The following APOO variants were observed in gnomAD, a reference collection of about 807,000 sequenced individuals.
APOO encodes the protein apolipoprotein O, also known as MICOS complex subunit MIC26.
APOO carries 11 observed loss-of-function variants against 23.1 expected under a neutral mutation model. That is an observed-to-expected ratio of 0.48 (90% CI 0.30 to 0.79). APOO has a LOEUF of 0.79. Ranked by LOEUF, APOO falls within the 30% of genes least tolerant of loss-of-function variation. The probability of loss-of-function intolerance (pLI) is 0.07; values close to 1 mark genes in which losing one functional copy is unlikely to be tolerated. For synonymous variants in APOO, 59 were observed against 54.8 expected, an observed-to-expected ratio of 1.08 and a Z score of -0.34; for missense variants, 160 against 142.7, an observed-to-expected ratio of 1.12 and a Z score of -0.62.
At chrX:23,885,347 C>T (rs1352970863) in intron 1 of APOO, among the ~76,000 whole-genome samples, 1 of 108,182 alleles carries the variant, frequency 9.2e-6, no homozygotes, top group Admixed American at 1.0e-4. Context: ...TGCAGTGAGC[C>T]GAGATCGTGC....
intron 4 of APOO, among the ~76,000 whole-genome samples, chrX:23,869,224 T>G (rs1284924024): frequency 2.7e-5 from 3 of 111,062 alleles, no homozygotes; most frequent in Non-Finnish European, 5.7e-5. Context: ...TGTCCAATTT[T>G]CAAGTACCTT....
At chrX:23,899,290 C>T (rs1927031526) in intron 1 of APOO, among the ~76,000 whole-genome samples, 1 of 112,470 alleles carries the variant, frequency 8.9e-6, no homozygotes, top group South Asian at 3.6e-4. Context: ...GAAAATATAG[C>T]TTAACAATCA....
At chrX:23,867,036 G>A (rs972683775) in intron 5 of APOO, among the ~76,000 whole-genome samples, 3 of 110,132 alleles carry the variant, frequency 2.7e-5, no homozygotes, top group Non-Finnish European at 5.7e-5. Context: ...GGAGGCGGAG[G>A]GTGCAGTGAG....
chrX:23,896,420 T>A (rs937250218), intron 1 of APOO, among the ~76,000 whole-genome samples: 2 of 112,017 alleles, frequency 1.8e-5, no homozygotes, highest in African/African-American at 6.5e-5. Context: ...GAGGATATTA[T>A]AAAGGTTTGC....
chrX:23,900,064 C>T (rs934284837), intron 1 of APOO, among the ~76,000 whole-genome samples: 4 of 112,109 alleles, frequency 3.6e-5, no homozygotes, highest in Non-Finnish European at 3.8e-5. Flanking sequence ...GTGAGGCTAT[C>T]TGCATTTCAG....
chrX:23,880,793 C>T, intron 2 of APOO, 52 bp downstream of exon 2: 1 of 788,102 alleles, frequency 1.3e-6, no homozygotes, highest in Non-Finnish European at 1.7e-6. Flanking sequence ...AATTATCCTA[C>T]AGTAACTAAA....
At chrX:23,894,873 G>A (rs981044929) in intron 1 of APOO, among the ~76,000 whole-genome samples, 17 of 110,838 alleles carry the variant, frequency 1.5e-4, no homozygotes, top group Admixed American at 6.7e-4. Context: ...GGCCGGATTC[G>A]GTGGCTCGAG....
intron 1 of APOO, among the ~76,000 whole-genome samples, chrX:23,885,725 C>T (rs1187490358): frequency 9.0e-6 from 1 of 111,092 alleles, no homozygotes; most frequent in Non-Finnish European, 1.9e-5. Context: ...TCTTCTTCCT[C>T]TTCTCCTATT....
intron 5 of APOO, among the ~76,000 whole-genome samples, chrX:23,867,675 T>G (rs936933630): frequency 9.0e-6 from 1 of 111,233 alleles, no homozygotes; most frequent in African/African-American, 3.3e-5. Flanking sequence ...CCCGAGTAGC[T>G]GGGACTACAG....
rs772472048 is a variant in APOO, at chrX:23,887,538, A to T, written c.10-6586T>A. 2.7e-5 allele frequency among the ~76,000 whole-genome samples: 3 copies of T among 110,100 alleles called. No homozygotes were observed. The South Asian group carries it at 1.2e-3, about 43-fold the overall frequency. ...TGAGCCACTGTGCCCGGCCTCCCCC[A>T]AACTTTTTCTGATGCAGGGCTGTAA... is the stretch of plus-strand genomic sequence containing the variant. On this transcript the variant is annotated intron_variant, in intron 1 of 8. Coordinates refer to ENST00000379226, the MANE Select transcript of APOO (RefSeq NM_024122.5).
At chrX:23,835,821 A>C (rs7887963) in intron 8 of APOO, among the ~76,000 whole-genome samples, 2,454 of 112,346 alleles carry the variant, frequency 0.022, 60 homozygotes, top group African/African-American at 0.074. Flanking sequence ...AGATAAACAG[A>C]ATGATACTAA....
chrX:23,846,628 C>CAAAA (rs59513332), intron 7 of APOO, among the ~76,000 whole-genome samples: 1 of 40,342 alleles, frequency 2.5e-5, no homozygotes, highest in African/African-American at 7.9e-5. Flanking sequence ...GACTCCATCT[C>CAAAA]AAAAAAAAAA....
chrX:23,870,795 C>A (rs779391271), intron 4 of APOO, among the ~76,000 whole-genome samples: 1 of 102,337 alleles, frequency 9.8e-6, no homozygotes, highest in East Asian at 3.2e-4. Flanking sequence ...TGTCTCCAAA[C>A]AAAAACAAAA....
chrX:23,888,760 G>A (rs1926483989), intron 1 of APOO, among the ~76,000 whole-genome samples: 2 of 100,251 alleles, frequency 2.0e-5, no homozygotes, highest in Non-Finnish European at 3.9e-5. Flanking sequence ...TGAGGCAAGA[G>A]AATCGTTTGA....
chrX:23,907,263 G>C (rs1927402935), intron 1 of APOO, among the ~76,000 whole-genome samples: 1 of 102,537 alleles, frequency 9.8e-6, no homozygotes, highest in Non-Finnish European at 2.0e-5. Flanking sequence ...ACCCTGCACA[G>C]CTTCTCCTAA....
rs1925747135 is a variant in APOO, at chrX:23,874,296, T to A, written c.292+107A>T. 5 of 712,554 alleles carry A rather than the reference T, an allele frequency of 7.0e-6. No individual in the cohort carries two copies. In the South Asian group the frequency reaches 1.3e-4, roughly 18 times the overall value. The allele number at this position is 712,554 out of a possible 1,213,427, so 58.7% of individuals were successfully genotyped here. On this transcript the variant is annotated intron_variant, in intron 4 of 8. Transcript: ENST00000379226. ...CCACATAGCTCTAAAATTCTGCATA[T>A]AATTTTAAGGAATACACAGATTTCT...
At chrX:23,876,566 C>T (rs1347877551) in intron 3 of APOO, among the ~76,000 whole-genome samples, 1 of 110,110 alleles carries the variant, frequency 9.1e-6, no homozygotes, top group Non-Finnish European at 1.9e-5. Flanking sequence ...CTTGGGAGGC[C>T]GAGGTGGACG....
chrX:23,862,801 G>A, intron 5 of APOO, among the ~76,000 whole-genome samples: 1 of 89,908 alleles, frequency 1.1e-5, no homozygotes, highest in Non-Finnish European at 2.2e-5. Flanking sequence ...GAAGAGAAGA[G>A]AAAGGGACGG....
At position 23,878,825 on chromosome X, in the gene APOO, G is replaced by C. The variant is rs1435547743; in HGVS notation, c.237+90C>G. On this transcript the variant is annotated intron_variant, in intron 3 of 8. Transcript: ENST00000379226. ...CAACCATCTCAGGGCCCTTTATCAT[G>C]CCTTTTTCCAAAAACATGCAGCCAA... is the stretch of plus-strand genomic sequence containing the variant. The C allele has an allele frequency of 1.1e-5, 12 of 1,055,656 alleles. No individual in the cohort carries two copies. In the Admixed American group the frequency reaches 3.0e-4, roughly 26 times the overall value. The allele number at this position is 1,055,656 out of a possible 1,213,427, so 87.0% of individuals were successfully genotyped here. A position where few individuals can be genotyped will look rare whatever the true frequency, so the allele number is the denominator to read the frequency against.
Sources: allele counts gnomAD v4.1 joint callset (sites outside exome capture counted in the v4.1 genomes callset), GRCh38; gene constraint gnomAD v4.1.1; transcripts MANE v1.5; gene names NCBI Gene and HGNC (gene_info 2026-07-23, HGNC 2026-07-21).